ERCC6L2: variants seen among roughly 807,000 people sequenced by gnomAD.
The protein encoded by ERCC6L2 is DNA excision repair protein ERCC-6-like 2.
ERCC6L2 carries 77 observed loss-of-function variants against 132.0 expected under a neutral mutation model. The observed-to-expected ratio is 0.58, with a 90% CI of 0.49 to 0.71. ERCC6L2 has a LOEUF of 0.71. Among genes scored for constraint, ERCC6L2 ranks in the 30% least tolerant of loss-of-function variants. The probability of loss-of-function intolerance (pLI) is 0.00; values close to 1 mark genes in which losing one functional copy is unlikely to be tolerated. For missense variants in ERCC6L2, 1,542 were observed against 1,837.6 expected (o/e 0.84, Z 2.94); for synonymous variants, 583 against 632.4 (o/e 0.92, Z 1.17).
intron 2 of ERCC6L2, among the ~76,000 whole-genome samples, chr9:95,887,785 A>T (rs1433501444): frequency 1.3e-5 from 2 of 152,202 alleles, no homozygotes; most frequent in Admixed American, 1.3e-4. Flanking sequence ...ATACTAAAAT[A>T]TGAAGGTTCT....
intron 19 of ERCC6L2, among the ~76,000 whole-genome samples, chr9:96,037,015 C>T (rs1319615509): frequency 6.6e-6 from 1 of 152,010 alleles, no homozygotes. Context: ...ATCCGCCCGC[C>T]TCGGCCTCCC....
At chr9:96,020,208 C>CA (rs1249499055), downstream of ERCC6L2, 1 of 157,398 alleles carries the variant, frequency 6.4e-6, no homozygotes, top group Non-Finnish European at 1.4e-5. Flanking sequence ...AACTCACTGT[C>CA]ACGAGAGCAG....
intron 12 of ERCC6L2, among the ~76,000 whole-genome samples, chr9:95,948,355 G>C (rs761141813): frequency 1.3e-5 from 2 of 152,188 alleles, no homozygotes; most frequent in Non-Finnish European, 2.9e-5. Flanking sequence ...GCAATCTCAT[G>C]ATAAAACTTT....
intron 2 of ERCC6L2, among the ~76,000 whole-genome samples, chr9:95,891,057 A>G (rs1055494394): frequency 4.6e-5 from 7 of 152,172 alleles, no homozygotes; most frequent in African/African-American, 1.7e-4. Context: ...TACTAAAAAT[A>G]CAAAATTAGC....
Position 96,016,542 on chromosome 9 carries a change from G to A in ERCC6L2, c.*3339G>A, listed in dbSNP as rs7850287. Among the ~76,000 whole-genome samples, 2,044 of 152,256 alleles carry A rather than the reference G, an allele frequency of 0.013. 39 individuals carry two copies. Among genetic ancestry groups the A allele is most frequent in the African/African-American group, 0.047 (1,959 of 41,546 alleles). On this transcript the variant is annotated 3_prime_UTR_variant, in exon 19 of 19. Transcript: ENST00000653738. ...ACAGCCCTGAAAACACCTCTTCAAG[G>A]AAATAAATAACATCTGCAAATGGTG...
intron 11 of ERCC6L2, among the ~76,000 whole-genome samples, chr9:95,938,219 AC>A (rs1830643040): frequency 1.3e-5 from 2 of 152,040 alleles, no homozygotes; most frequent in African/African-American, 4.8e-5. Flanking sequence ...TTCAGTATAT[AC>A]CAGTATAGTT....
In ERCC6L2 at chr9:95,875,836, C is replaced by T. The variant is rs1282119509; in HGVS notation, c.-203C>T. The T allele has an allele frequency of 1.2e-5, 7 of 585,888 alleles. No individual in the cohort carries two copies. Among genetic ancestry groups the T allele is most frequent in the Non-Finnish European group, 1.8e-5 (6 of 327,232 alleles). 36.3% of individuals were successfully genotyped at this position (585,888 alleles called of 1,614,324 possible). On this transcript the variant is annotated 5_prime_UTR_variant, in exon 1 of 19. Transcript: ENST00000653738. Reference sequence around the variant, plus strand: ...GCCGCCGCTCCGGACGTCGCCCTCCCGTTCTGCTTGGGTCCCCTTAGTCGC... The same window carrying T: ...GCCGCCGCTCCGGACGTCGCCCTCCTGTTCTGCTTGGGTCCCCTTAGTCGC...
At chr9:95,918,480 G>T in intron 6 of ERCC6L2, 1 of 497,998 alleles carries the variant, frequency 2.0e-6, no homozygotes. Context: ...GTTGGCTCAT[G>T]AAATAGGTTT....
At chr9:95,876,202 C>A in intron 1 of ERCC6L2, 118 bp downstream of exon 1, 1 of 939,146 alleles carries the variant, frequency 1.1e-6, no homozygotes, top group Non-Finnish European at 1.6e-6. Flanking sequence ...TCAGTGACAG[C>A]TGCAGATTGT....
chr9:96,010,358 C>T (rs1160120837), intron 18 of ERCC6L2, among the ~76,000 whole-genome samples: 1 of 152,210 alleles, frequency 6.6e-6, no homozygotes. Flanking sequence ...GAAACACAAA[C>T]TATGTAACCT....
intron 18 of ERCC6L2, among the ~76,000 whole-genome samples, chr9:96,010,180 T>C (rs1833981328): frequency 6.6e-6 from 1 of 152,210 alleles, no homozygotes; most frequent in Admixed American, 6.5e-5. Context: ...GTGTATGTGT[T>C]ACTAAATATT....
At chr9:95,886,823 CCTTAAT>C (rs1195962148) in intron 2 of ERCC6L2, among the ~76,000 whole-genome samples, 4 of 152,132 alleles carry the variant, frequency 2.6e-5, no homozygotes, top group Admixed American at 2.6e-4. Context: ...ACAGACCCAT[CCTTAAT>C]CTGGCAGGCA....
chr9:95,900,420 G>C (rs1587867866), intron 3 of ERCC6L2, among the ~76,000 whole-genome samples: 2 of 151,382 alleles, frequency 1.3e-5, no homozygotes, highest in South Asian at 4.2e-4. Context: ...GTACTCCTTT[G>C]TCTGTGTTCT....
chr9:95,895,797 G>A (rs1362737173), intron 2 of ERCC6L2, among the ~76,000 whole-genome samples: 1 of 150,256 alleles, frequency 6.7e-6, no homozygotes, highest in Non-Finnish European at 1.5e-5. Flanking sequence ...CGCGATCTCG[G>A]CTCACTGCAA....
intron 5 of ERCC6L2, 135 bp from the exon 6 acceptor site, chr9:95,916,092 A>C (rs1263160660): frequency 1.1e-6 from 1 of 887,600 alleles, no homozygotes; most frequent in Non-Finnish European, 1.7e-6. Flanking sequence ...TGTCGTAAAG[A>C]AAGAACATTC....
chr9:95,990,809 G>C (rs1169809205), intron 17 of ERCC6L2, among the ~76,000 whole-genome samples: 1 of 152,250 alleles, frequency 6.6e-6, no homozygotes, highest in Non-Finnish European at 1.5e-5. Context: ...TGGAGGGTCA[G>C]AGTGGCAGCC....
chr9:96,038,492 G>A (rs1325316267), intron 19 of ERCC6L2, among the ~76,000 whole-genome samples: 1 of 152,228 alleles, frequency 6.6e-6, no homozygotes, highest in African/African-American at 2.4e-5. Flanking sequence ...CCTGAAGAAG[G>A]CCAGAAGCAG....
intron 18 of ERCC6L2, among the ~76,000 whole-genome samples, chr9:96,010,102 C>T (rs1044547424): frequency 6.6e-6 from 1 of 152,220 alleles, no homozygotes; most frequent in Non-Finnish European, 1.5e-5. Context: ...ACTGGAACCT[C>T]TTAAGAACAT....
chr9:95,927,194 T>C (rs1830136803), intron 9 of ERCC6L2, among the ~76,000 whole-genome samples: 1 of 152,142 alleles, frequency 6.6e-6, no homozygotes, highest in Non-Finnish European at 1.5e-5. Context: ...TAGCTTTTTT[T>C]GAGGGACTAG....
Sources: allele counts gnomAD v4.1 joint callset (sites outside exome capture counted in the v4.1 genomes callset), GRCh38; gene constraint gnomAD v4.1.1; transcripts MANE v1.5; gene names NCBI Gene and HGNC (gene_info 2026-07-23, HGNC 2026-07-21).